Variants in LMF1 observed in about 807,000 individuals in gnomAD.
LMF1 encodes transmembrane protein 112.
LMF1 carries 68 observed loss-of-function variants against 60.6 expected under a neutral mutation model. That is an observed-to-expected ratio of 1.12 (90% CI 0.92 to 1.37). LMF1 has a LOEUF of 1.37. Ranked by LOEUF, LMF1 falls within the 40% of genes most tolerant of loss-of-function variation. The pLI, the probability that LMF1 is intolerant of heterozygous loss-of-function variation, is 0.00. For synonymous variants in LMF1, 418 were observed against 324.7 expected, an observed-to-expected ratio of 1.29 and a Z score of -3.09; for missense variants, 948 against 767.2, an observed-to-expected ratio of 1.24 and a Z score of -2.78.
intron 10 of LMF1, among the ~76,000 whole-genome samples, chr16:859,218 G>T (rs1253866860): frequency 7.6e-6 from 1 of 132,252 alleles, no homozygotes; most frequent in African/African-American, 3.5e-5. Context: ...CTCGGGACGG[G>T]TGTGCAGTGG....
At chr16:979,965 C>T (rs1199461990) in intron 1 of LMF1, 1 of 352,276 alleles carries the variant, frequency 2.8e-6, no homozygotes, top group Admixed American at 3.7e-5. Flanking sequence ...GGAAGAGGCA[C>T]TGCAGACGGA....
chr16:942,017 C>G (rs2072112488), intron 2 of LMF1, among the ~76,000 whole-genome samples: 1 of 152,254 alleles, frequency 6.6e-6, no homozygotes, highest in African/African-American at 2.4e-5. Context: ...AGATGACTTT[C>G]TGCCTAGCAA....
chr16:926,911 G>T (rs2071626470), intron 3 of LMF1, among the ~76,000 whole-genome samples: 1 of 152,174 alleles, frequency 6.6e-6, no homozygotes, highest in African/African-American at 2.4e-5. Context: ...GCCTATGCTG[G>T]GGTCCCTGTG....
Position 870,737 on chromosome 16 carries a change from G to T in LMF1, c.1224C>A (p.Ala408=). The change falls in exon 8 of 11, where the codon GCC becomes GCA. Residue 408 remains alanine, a synonymous_variant. Coordinates refer to ENST00000262301, the MANE Select transcript of LMF1 (RefSeq NM_022773.4). Reference sequence around the variant, plus strand: ...GGACCCCAGGCTCATACCTTCCGAAGGCCCCGTAAGTGTTGACGATGTGAA... The same window carrying T: ...GGACCCCAGGCTCATACCTTCCGAATGCCCCGTAAGTGTTGACGATGTGAA... ...NSLHIVNTYG[A]FGSITKERAE... 1.9e-6 allele frequency: 3 copies of T among 1,612,812 alleles called. No individual in the cohort carries two copies. Among genetic ancestry groups the T allele is most frequent in the Non-Finnish European group, 2.5e-6 (3 of 1,179,778 alleles).
At chr16:934,057 G>T (rs757136324) in intron 3 of LMF1, 187 bp downstream of exon 3, 1 of 1,514,008 alleles carries the variant, frequency 6.6e-7, no homozygotes, top group Non-Finnish European at 8.8e-7. Flanking sequence ...GGAAGCCCAG[G>T]AGCTCCCACA....
intron 3 of LMF1, among the ~76,000 whole-genome samples, chr16:911,433 G>A (rs1291013513): frequency 6.6e-6 from 1 of 152,016 alleles, no homozygotes; most frequent in Non-Finnish European, 1.5e-5. Flanking sequence ...GGCAGACTTT[G>A]GGGGAAGCTT....
intron 3 of LMF1, among the ~76,000 whole-genome samples, chr16:911,526 GC>G (rs2071112717): frequency 9.0e-6 from 1 of 111,710 alleles, no homozygotes; most frequent in South Asian, 3.0e-4. Flanking sequence ...CACTGGGGAG[GC>G]AGCACTGGGG....
intron 10 of LMF1, among the ~76,000 whole-genome samples, chr16:860,253 C>G (rs932798650): frequency 6.6e-6 from 1 of 151,904 alleles, no homozygotes; most frequent in East Asian, 1.9e-4. Flanking sequence ...TAATGAATTT[C>G]AATTAATTTT....
At chr16:864,705 T>G (rs938468542) in intron 10 of LMF1, among the ~76,000 whole-genome samples, 62 of 151,132 alleles carry the variant, frequency 4.1e-4, no homozygotes, top group Non-Finnish European at 8.5e-4. Context: ...TCGCACAGGC[T>G]GGAGTGCAGT....
In LMF1 at chr16:879,562, G is replaced by A. The variant is rs769263666; in HGVS notation, c.897+8C>T. Reference sequence around the variant, plus strand: ...GGACACGGGGCAGGGCGGGCGGCGCGGGCTCACCTGGAACAGGATCTGCAG... The same window carrying A: ...GGACACGGGGCAGGGCGGGCGGCGCAGGCTCACCTGGAACAGGATCTGCAG... On this transcript the variant is annotated splice_region_variant and intron_variant, in intron 6 of 10. Coordinates refer to ENST00000262301, the MANE Select transcript of LMF1 (RefSeq NM_022773.4). 28 of 1,611,798 alleles carry A rather than the reference G, an allele frequency of 1.7e-5. No homozygotes were observed. The highest frequency in any genetic ancestry group is 1.6e-4 in the Middle Eastern group (1 of 6,066).
rs113427652 is a variant in LMF1, at chr16:922,683, T to C, written c.514+11561A>G. Among the ~76,000 whole-genome samples, 262 of 119,836 alleles carry C rather than the reference T, an allele frequency of 2.2e-3. 1 individual carries two copies. The highest frequency in any genetic ancestry group is 5.3e-3 in the Middle Eastern group (1 of 188). The allele number at this position is 119,836 out of a possible 152,430, so 78.6% of individuals were successfully genotyped here. A position where few individuals can be genotyped will look rare whatever the true frequency, so the allele number is the denominator to read the frequency against. ...GTTTTCGGGTGTGATGTGGTATTGG[T>C]GTCGTGTTGTTGCGAAGGCCCTGTG... On this transcript the variant is annotated intron_variant, in intron 3 of 10. Transcript: ENST00000262301.
intron 10 of LMF1, chr16:855,185 G>A (rs1336283127): frequency 8.2e-6 from 2 of 242,562 alleles, no homozygotes; most frequent in East Asian, 1.0e-4. Flanking sequence ...GGGGCAGTCC[G>A]AGGCTGTGAG....
intron 3 of LMF1, among the ~76,000 whole-genome samples, chr16:925,364 C>G (rs1597007303): frequency 6.6e-6 from 1 of 152,134 alleles, no homozygotes; most frequent in South Asian, 2.1e-4. Context: ...TGGCTAACAA[C>G]GTGATGGGAG....
At chr16:870,946 G>T in intron 7 of LMF1, 64 bp from the exon 8 acceptor site, 1 of 1,518,702 alleles carries the variant, frequency 6.6e-7, no homozygotes, top group South Asian at 1.2e-5. Context: ...TCCCTGGGGA[G>T]ACCCCAGCTG....
Position 879,666 on chromosome 16 carries a change from C to T in LMF1, c.801G>A (p.Thr267=), listed in dbSNP as rs753874558. ...GGAGCTCGATGAAGTGGTTGCTGAG[C>T]GTCTCGAAGCGATGGAACCACCAGG... ...HSPWWFHRFE[T]LSNHFIELLV... is the part of the protein sequence containing the mutation. The change falls in exon 6 of 11, where the codon ACG becomes ACA. Residue 267 remains threonine (T), a synonymous_variant. Transcript: ENST00000262301. 3.1e-6 allele frequency: 5 copies of T among 1,611,000 alleles called. No homozygotes were observed. The highest frequency in any genetic ancestry group is 1.7e-5 in the Admixed American group (1 of 59,588).
intron 2 of LMF1, among the ~76,000 whole-genome samples, chr16:938,086 TG>T (rs1175684252): frequency 1.3e-5 from 2 of 150,600 alleles, no homozygotes; most frequent in Non-Finnish European, 2.9e-5. Context: ...TGAGAGCAGC[TG>T]GGGGGCTTCC....
chr16:925,835 T>C (rs1156520122), intron 3 of LMF1, among the ~76,000 whole-genome samples: 1 of 152,280 alleles, frequency 6.6e-6, no homozygotes, highest in Non-Finnish European at 1.5e-5. Flanking sequence ...GAAATGTATC[T>C]AATATGGCCC....
intron 1 of LMF1, among the ~76,000 whole-genome samples, chr16:965,203 G>A (rs889390049): frequency 2.0e-5 from 3 of 152,196 alleles, no homozygotes; most frequent in East Asian, 1.9e-4. Context: ...CTAGGGCCTC[G>A]CGGAAGCCAT....
intron 5 of LMF1, among the ~76,000 whole-genome samples, chr16:887,493 G>A (rs1270638907): frequency 1.3e-5 from 2 of 152,186 alleles, no homozygotes; most frequent in African/African-American, 2.4e-5. Context: ...GCACGGGGGC[G>A]TGAGCCGAGG....
Sources: gnomAD v4.1 joint callset for allele counts (sites outside exome capture counted in the v4.1 genomes callset) on GRCh38, gnomAD v4.1.1 for gene constraint, MANE v1.5 for transcripts, NCBI Gene and HGNC (gene_info 2026-07-23, HGNC 2026-07-21) for gene names.